The following PRIM2 variants were observed in gnomAD, a reference collection of about 807,000 sequenced individuals.
The protein encoded by PRIM2 is DNA primase subunit 2, also known as DNA primase large subunit.
In PRIM2, 39 loss-of-function variants were observed where a neutral mutation model predicts 67.3. The ratio of observed to expected loss-of-function variants is 0.58; its 90% CI spans 0.45 to 0.76. The LOEUF is 0.76. Among genes scored for constraint, PRIM2 ranks in the 30% least tolerant of loss-of-function variants. The pLI, the probability that PRIM2 is intolerant of heterozygous loss-of-function variation, is 0.00. For synonymous variants in PRIM2, 143 were observed against 198.7 expected (o/e 0.72, Z 2.36); for missense variants, 398 against 598.7 (o/e 0.66, Z 3.50).
intron 7 of PRIM2, among the ~76,000 whole-genome samples, chr6:57,388,236 T>C (rs1770214861): frequency 6.6e-6 from 1 of 152,188 alleles, no homozygotes; most frequent in Admixed American, 6.5e-5. Flanking sequence ...ATTTATGTTT[T>C]AAATAGATGA....
At chr6:57,274,193 G>T in the PRIM2 span, among the ~76,000 whole-genome samples, 1 of 152,266 alleles carries the variant, frequency 6.6e-6, no homozygotes, top group African/African-American at 2.4e-5. Context: ...GGTTACTGCT[G>T]TCTTTTTGTT....
At chr6:57,589,471 G>C (rs1776248423) in intron 10 of PRIM2, among the ~76,000 whole-genome samples, 1 of 151,910 alleles carries the variant, frequency 6.6e-6, no homozygotes. Context: ...AAGCTGGGAG[G>C]GGAATATGGA....
chr6:57,291,876 C>T, the PRIM2 span, among the ~76,000 whole-genome samples: 3 of 152,094 alleles, frequency 2.0e-5, no homozygotes, highest in Non-Finnish European at 4.4e-5. Flanking sequence ...TATGACAAAA[C>T]CATAGCCAAT....
chr6:57,548,061 A>G (rs1324398178), intron 10 of PRIM2, among the ~76,000 whole-genome samples: 11 of 152,200 alleles, frequency 7.2e-5, no homozygotes, highest in Non-Finnish European at 1.5e-4. Flanking sequence ...GATGCACACT[A>G]AAGATTCAGA....
chr6:57,462,927 C>T (rs1252955669), intron 7 of PRIM2, among the ~76,000 whole-genome samples: 3 of 152,148 alleles, frequency 2.0e-5, no homozygotes, highest in Non-Finnish European at 2.9e-5. Context: ...CAAATGTAGT[C>T]GGACATCCCC....
rs1168482375 is a variant in PRIM2 at position 57,469,382 on chromosome 6, G to A, written c.694-38005G>A. Among the ~76,000 whole-genome samples the A allele has an allele frequency of 1.3e-3, 194 of 152,306 alleles. 5 individuals carry two copies. In the East Asian group the frequency reaches 0.016, roughly 13 times the overall value. ...CAGTATAAAAACACTAGTGAATCAC[G>A]TTTATGGTTTTGTAACCATTACAAT... On this transcript the variant is annotated intron_variant, in intron 7 of 13. Coordinates refer to ENST00000615550, the MANE Select transcript of PRIM2 (RefSeq NM_000947.5).
the PRIM2 span, among the ~76,000 whole-genome samples, chr6:57,256,283 C>T: frequency 6.6e-6 from 1 of 152,164 alleles, no homozygotes; most frequent in African/African-American, 2.4e-5. Context: ...TACCATATGT[C>T]AGGCATATGC....
chr6:57,645,166 C>T (rs2127503096), intron 13 of PRIM2, among the ~76,000 whole-genome samples: 1 of 152,114 alleles, frequency 6.6e-6, no homozygotes, highest in East Asian at 1.9e-4. Flanking sequence ...GTATCAGGGA[C>T]CAGTATCAAA....
chr6:57,467,459 G>A lies in PRIM2; in HGVS notation c.694-39928G>A, dbSNP rs1197982331. ...ATAGATGTGTGGTGTTATTTGTGAG[G>A]CCTCTGTTTTGTTCCATTGATCTAT... On this transcript the variant is annotated intron_variant, in intron 7 of 13. Coordinates refer to ENST00000615550, the MANE Select transcript of PRIM2 (RefSeq NM_000947.5). Among the ~76,000 whole-genome samples, 305 of 152,168 alleles carry A rather than the reference G, an allele frequency of 2.0e-3. 1 individual carries two copies. The East Asian group carries it at 0.051, about 25-fold the overall frequency.
intron 7 of PRIM2, among the ~76,000 whole-genome samples, chr6:57,451,406 CTGGGATTACA>C (rs1772545057): frequency 6.6e-6 from 1 of 152,298 alleles, no homozygotes; most frequent in South Asian, 2.1e-4. Flanking sequence ...TCTCAAAGTG[CTGGGATTACA>C]GGTGTGAGCC....
intron 5 of PRIM2, among the ~76,000 whole-genome samples, chr6:57,375,766 G>A (rs1447707125): frequency 6.6e-6 from 1 of 151,130 alleles, no homozygotes; most frequent in African/African-American, 2.4e-5. Flanking sequence ...ATCACACCCA[G>A]CTAATTAAAA....
At chr6:57,249,284 A>G in the PRIM2 span, among the ~76,000 whole-genome samples, 2 of 152,116 alleles carry the variant, frequency 1.3e-5, no homozygotes, top group Non-Finnish European at 2.9e-5. Context: ...TTTATTATGC[A>G]TATTAGGTCA....
chr6:57,263,782 TC>T, the PRIM2 span, among the ~76,000 whole-genome samples: 1 of 152,170 alleles, frequency 6.6e-6, no homozygotes, highest in Non-Finnish European at 1.5e-5. Context: ...ATCTTTTATC[TC>T]CCCCTACAAC....
At chr6:57,567,591 A>G (rs1325315412) in intron 10 of PRIM2, among the ~76,000 whole-genome samples, 2 of 152,190 alleles carry the variant, frequency 1.3e-5, no homozygotes, top group African/African-American at 2.4e-5. Flanking sequence ...CCCCAAGTGC[A>G]GTAGGAAAAG....
intron 7 of PRIM2, among the ~76,000 whole-genome samples, chr6:57,409,003 T>G (rs1235409794): frequency 7.2e-5 from 11 of 152,300 alleles, no homozygotes; most frequent in African/African-American, 2.6e-4. Context: ...TCTTTTATTT[T>G]TTTAATTTAA....
chr6:57,577,634 G>T (rs1435948499), intron 10 of PRIM2, among the ~76,000 whole-genome samples: 3 of 151,938 alleles, frequency 2.0e-5, no homozygotes, highest in Middle Eastern at 3.2e-3. Context: ...TCACCATATT[G>T]GCCAGACTGG....
At chr6:57,348,843 G>C (rs1768765688) in intron 5 of PRIM2, among the ~76,000 whole-genome samples, 1 of 149,418 alleles carries the variant, frequency 6.7e-6, no homozygotes, top group Non-Finnish European at 1.5e-5. Flanking sequence ...TGCCTCCCGG[G>C]TTCAAGCTAT....
At chr6:57,272,008 T>A in the PRIM2 span, among the ~76,000 whole-genome samples, 1 of 152,228 alleles carries the variant, frequency 6.6e-6, no homozygotes, top group African/African-American at 2.4e-5. Flanking sequence ...TGTTATAATT[T>A]CTGTTCTTTT....
At position 57,318,440 on chromosome 6, in the gene PRIM2, A is replaced by T. The variant is rs1323818285; in HGVS notation, c.-6A>T. 6.2e-7 allele frequency: 1 copy of T among 1,610,966 alleles called. No homozygotes were observed. Among genetic ancestry groups the T allele is most frequent in the Non-Finnish European group, 8.5e-7 (1 of 1,178,676 alleles). ...TTTTTGTGTACTTCCTTCTAAGGTG[A>T]CCAAGATGGAGTTTTCTGGAAGAAA... On this transcript the variant is annotated 5_prime_UTR_variant, in exon 2 of 14. Coordinates refer to ENST00000615550, the MANE Select transcript of PRIM2 (RefSeq NM_000947.5).
Sources: allele counts gnomAD v4.1 joint callset (sites outside exome capture counted in the v4.1 genomes callset), GRCh38; gene constraint gnomAD v4.1.1; transcripts MANE v1.5; gene names NCBI Gene and HGNC (gene_info 2026-07-23, HGNC 2026-07-21).